The following TLL1 variants were observed in gnomAD, a reference collection of about 807,000 sequenced individuals.
TLL1 encodes the protein tolloid-like protein 1.
In TLL1, 49 loss-of-function variants were observed where a neutral mutation model predicts 128.2. The ratio of observed to expected loss-of-function variants is 0.38; its 90% CI spans 0.30 to 0.48. TLL1 has a LOEUF of 0.48. TLL1 is among the 20% of genes least tolerant of loss of function. TLL1 has a pLI of 0.96. For synonymous variants in TLL1, 454 were observed against 418.8 expected, an observed-to-expected ratio of 1.08 and a Z score of -1.03; for missense variants, 1,123 against 1,242.0, an observed-to-expected ratio of 0.90 and a Z score of 1.44.
intron 9 of TLL1, among the ~76,000 whole-genome samples, chr4:166,033,172 T>G (rs1738850257): frequency 6.6e-6 from 1 of 152,162 alleles, no homozygotes; most frequent in Admixed American, 6.6e-5. Flanking sequence ...TGTATTACAC[T>G]TTACAAAATG....
At chr4:165,958,477 T>C (rs1208940279) in intron 1 of TLL1, among the ~76,000 whole-genome samples, 2 of 144,484 alleles carry the variant, frequency 1.4e-5, no homozygotes, top group Non-Finnish European at 3.0e-5. Flanking sequence ...ATGAGCATTT[T>C]TTCATGTGTC....
At chr4:165,875,292 A>C (rs1010917563) in intron 1 of TLL1, among the ~76,000 whole-genome samples, 1 of 152,158 alleles carries the variant, frequency 6.6e-6, no homozygotes, top group Admixed American at 6.5e-5. Context: ...GCCTGGAGGA[A>C]GGAGAGGTGT....
chr4:165,874,531 A>T (rs1386399663), intron 1 of TLL1, among the ~76,000 whole-genome samples: 1 of 152,102 alleles, frequency 6.6e-6, no homozygotes, highest in African/African-American at 2.4e-5. Context: ...ATACAGGAGG[A>T]TGGCATTGCT....
chr4:166,057,245 G>A lies in TLL1; in HGVS notation c.1782G>A (p.Leu594=), dbSNP rs139813698. Residue 594 remains leucine (L), a synonymous_variant, in exon 14 of 21, where the codon CTG becomes CTA. Coordinates refer to ENST00000061240, the MANE Select transcript of TLL1 (RefSeq NM_012464.5). ...GGCEQRCLNT[L]GSYQCACEPG... ...GTGAGCAGCGATGTCTGAACACTCT[G>A]GGCAGTTACCAGTGTGCCTGTGAGC... 1.1e-3 allele frequency: 1,719 copies of A among 1,613,968 alleles called. 3 individuals are homozygous for A. The highest frequency in any genetic ancestry group is 1.3e-3 in the Non-Finnish European group (1,547 of 1,179,960).
intron 8 of TLL1, among the ~76,000 whole-genome samples, chr4:166,016,430 G>A (rs926635839): frequency 2.6e-5 from 4 of 152,000 alleles, no homozygotes; most frequent in African/African-American, 4.8e-5. Context: ...GCACACTGGA[G>A]GTTTGTATGC....
At chr4:166,069,614 T>A (rs1740719102) in intron 16 of TLL1, among the ~76,000 whole-genome samples, 1 of 151,742 alleles carries the variant, frequency 6.6e-6, no homozygotes, top group African/African-American at 2.4e-5. Flanking sequence ...ATAAAATAAT[T>A]GCATAAGAGA....
At chr4:165,907,149 C>A (rs964666922) in intron 1 of TLL1, among the ~76,000 whole-genome samples, 1 of 152,140 alleles carries the variant, frequency 6.6e-6, no homozygotes, top group South Asian at 2.1e-4. Context: ...TTGTGTTTGT[C>A]CTCATGAAGA....
At chr4:166,045,620 G>A (rs1464992789) in intron 12 of TLL1, among the ~76,000 whole-genome samples, 1 of 152,040 alleles carries the variant, frequency 6.6e-6, no homozygotes, top group Non-Finnish European at 1.5e-5. Context: ...ATGACACTGC[G>A]CTACTGACAG....
intron 1 of TLL1, among the ~76,000 whole-genome samples, chr4:165,951,284 A>G (rs1324935483): frequency 6.6e-6 from 1 of 152,148 alleles, no homozygotes; most frequent in Non-Finnish European, 1.5e-5. Flanking sequence ...TGTCAGATGC[A>G]GGAGGGTTGG....
chr4:165,937,848 T>TCC (rs1200094175), intron 1 of TLL1, among the ~76,000 whole-genome samples: 6 of 115,240 alleles, frequency 5.2e-5, no homozygotes, highest in African/African-American at 7.8e-5. Context: ...TTTATTCCCT[T>TCC]CCCCACCCCC....
chr4:165,934,118 C>T (rs973318684), intron 1 of TLL1, among the ~76,000 whole-genome samples: 3 of 151,864 alleles, frequency 2.0e-5, no homozygotes, highest in East Asian at 1.9e-4. Flanking sequence ...CCTGCCTCAG[C>T]CTCCCGAGTA....
chr4:165,982,379 C>T (rs1196499805), intron 1 of TLL1, among the ~76,000 whole-genome samples: 1 of 151,732 alleles, frequency 6.6e-6, no homozygotes, highest in Non-Finnish European at 1.5e-5. Context: ...AAATATTCTT[C>T]CCATTGTTTA....
intron 12 of TLL1, chr4:166,044,456 T>C: frequency 6.5e-7 from 1 of 1,528,130 alleles, no homozygotes; most frequent in African/African-American, 1.4e-5. Flanking sequence ...TCTTCAGTAC[T>C]TGTCTCTGTC....
intron 1 of TLL1, among the ~76,000 whole-genome samples, chr4:165,923,935 T>C (rs1733160014): frequency 6.6e-6 from 1 of 152,194 alleles, no homozygotes. Context: ...GTTATGGTGA[T>C]CTGGGATTGA....
intron 1 of TLL1, among the ~76,000 whole-genome samples, chr4:165,960,354 A>C (rs1383768355): frequency 6.6e-6 from 1 of 152,012 alleles, no homozygotes; most frequent in African/African-American, 2.4e-5. Context: ...AAACCCTAGA[A>C]TAGATGTATT....
At chr4:165,931,723 G>GAAAAAGA (rs1733537820) in intron 1 of TLL1, among the ~76,000 whole-genome samples, 3 of 84,700 alleles carry the variant, frequency 3.5e-5, no homozygotes, top group Non-Finnish European at 7.8e-5. Flanking sequence ...TGTCTCAAAA[G>GAAAAAGA]AAAAAAAAAA....
intron 8 of TLL1, among the ~76,000 whole-genome samples, chr4:166,016,154 T>A (rs1258246794): frequency 6.6e-6 from 1 of 152,036 alleles, no homozygotes. Context: ...GTTTTATGTA[T>A]GTATGTAAGA....
chr4:165,996,375 G>A (rs372094595), intron 5 of TLL1, among the ~76,000 whole-genome samples: 22 of 152,250 alleles, frequency 1.4e-4, no homozygotes, highest in African/African-American at 4.1e-4. Context: ...TTAAGAGGCC[G>A]AGGCAGATGG....
At chr4:166,046,402 G>C (rs954848097) in intron 12 of TLL1, among the ~76,000 whole-genome samples, 3 of 152,156 alleles carry the variant, frequency 2.0e-5, no homozygotes, top group African/African-American at 7.2e-5. Context: ...GTGCCTAATA[G>C]ACATCTAAAT....
Sources: gnomAD v4.1 joint callset for allele counts (sites outside exome capture counted in the v4.1 genomes callset) on GRCh38, gnomAD v4.1.1 for gene constraint, MANE v1.5 for transcripts, NCBI Gene and HGNC (gene_info 2026-07-23, HGNC 2026-07-21) for gene names.